Variants in ROCK1 observed in about 807,000 individuals in gnomAD.
ROCK1 encodes the protein Rho associated coiled-coil containing protein kinase 1, also known as rho-associated protein kinase 1.
A neutral mutation model predicts 196.8 loss-of-function variants in ROCK1; 36 were observed. The ratio of observed to expected loss-of-function variants is 0.18; its 90% CI spans 0.14 to 0.24. The LOEUF is 0.24. Ranked by LOEUF, ROCK1 falls within the 10% of genes least tolerant of loss-of-function variation. ROCK1 has a pLI of 1.00. For missense variants in ROCK1, 920 were observed against 1,562.0 expected (o/e 0.59, Z 6.93); for synonymous variants, 443 against 515.9 (o/e 0.86, Z 1.91).
chr18:21,087,022 A>G (rs954441293), intron 1 of ROCK1, among the ~76,000 whole-genome samples: 3 of 152,232 alleles, frequency 2.0e-5, no homozygotes, highest in South Asian at 4.1e-4. Context: ...GATATTAAAC[A>G]TGAATATATT....
intron 14 of ROCK1, 47 bp downstream of exon 14, chr18:21,008,012 G>C (rs1200996345): frequency 2.8e-6 from 4 of 1,450,412 alleles, no homozygotes; most frequent in Non-Finnish European, 3.8e-6. Flanking sequence ...ACAACCTCAT[G>C]ACAGTGTTAG....
chr18:21,111,024 G>A lies in ROCK1; in HGVS notation c.-114C>T, dbSNP rs900307179. 1.3e-6 allele frequency: 1 copy of A among 795,300 alleles called. No homozygotes were observed. The highest frequency in any genetic ancestry group is 2.1e-6 in the Non-Finnish European group (1 of 475,298). The allele number at this position is 795,300 out of a possible 1,614,324, so 49.3% of individuals were successfully genotyped here. A position where few individuals can be genotyped will look rare whatever the true frequency, so the allele number is the denominator to read the frequency against. Reference sequence around the variant, plus strand: ...CGGGGCGGAGGAGCCGGAACCTCAGGGTCACCAGGTGCGCCCGGTTCCCCC... The same window carrying A: ...CGGGGCGGAGGAGCCGGAACCTCAGAGTCACCAGGTGCGCCCGGTTCCCCC... On this transcript the variant is annotated 5_prime_UTR_variant, in exon 1 of 33. Transcript: ENST00000399799. The surrounding 1 kb of genome is among the most constrained non-coding windows in gnomAD (Gnocchi z 4.2).
chr18:20,974,640 T>C (rs2035463227), intron 22 of ROCK1, among the ~76,000 whole-genome samples: 1 of 152,194 alleles, frequency 6.6e-6, no homozygotes, highest in Non-Finnish European at 1.5e-5. Context: ...ATATTTAAGG[T>C]CAATCTCTCA....
At position 21,045,385 on chromosome 18, in the gene ROCK1, C is replaced by T; in HGVS notation, c.497G>A (p.Ser166Asn). ...CCATTTTTCAGGCACATCATAGTTG[C>T]TCATTAAGTTTACAAGATCTCCACC... Reference protein sequence around the residue: ...MPGGDLVNLMSNYDVPEKWAR... With the variant: ...MPGGDLVNLMNNYDVPEKWAR... The change falls in exon 5 of 33, where the codon AGC becomes AAC. Residue 166 changes from serine (S) to asparagine (N), a missense_variant. This residue lies in a region of ROCK1 where 234 missense variants were observed against 460.7 expected (regional missense o/e 0.51). Transcript: ENST00000399799. 6.2e-7 allele frequency: 1 copy of T among 1,613,192 alleles called. No homozygotes were observed. The highest frequency in any genetic ancestry group is 8.5e-7 in the Non-Finnish European group (1 of 1,179,720).
At chr18:21,080,659 C>T (rs2036475496) in intron 1 of ROCK1, among the ~76,000 whole-genome samples, 1 of 152,022 alleles carries the variant, frequency 6.6e-6, no homozygotes, top group African/African-American at 2.4e-5. Context: ...GGAAAAAATA[C>T]TCCATGCAAA....
intron 2 of ROCK1, among the ~76,000 whole-genome samples, chr18:21,050,400 T>C (rs1418498183): frequency 4.0e-5 from 6 of 151,664 alleles, no homozygotes; most frequent in Non-Finnish European, 8.8e-5. Context: ...CTTATAGCAT[T>C]ACATTTCTCT....
chr18:20,957,973 A>AT (rs2035262348), intron 29 of ROCK1, among the ~76,000 whole-genome samples: 1 of 152,160 alleles, frequency 6.6e-6, no homozygotes, highest in South Asian at 2.1e-4. Flanking sequence ...AAGAAATACG[A>AT]TTTTTTTAAA....
chr18:20,968,052 G>A (rs1368925381), intron 25 of ROCK1, 112 bp from the exon 26 acceptor site: 12 of 997,988 alleles, frequency 1.2e-5, no homozygotes, highest in African/African-American at 3.3e-5. Flanking sequence ...ATGAAAATTA[G>A]GACAACTTCA....
At chr18:20,966,672 T>C (rs772556690) in intron 27 of ROCK1, among the ~76,000 whole-genome samples, 1 of 152,210 alleles carries the variant, frequency 6.6e-6, no homozygotes, top group Non-Finnish European at 1.5e-5. Context: ...CATAAACCTC[T>C]TATGGTTTTT....
chr18:21,074,646 C>T (rs866344841), intron 1 of ROCK1, among the ~76,000 whole-genome samples: 58 of 152,166 alleles, frequency 3.8e-4, no homozygotes, highest in African/African-American at 1.4e-3. Context: ...TGTTACATAA[C>T]CTCCTTTGTG....
chr18:21,022,019 C>T (rs1201646005), intron 11 of ROCK1, among the ~76,000 whole-genome samples: 1 of 152,092 alleles, frequency 6.6e-6, no homozygotes, highest in African/African-American at 2.4e-5. Context: ...TTTCCCTTTT[C>T]ACCGCATGTT....
At chr18:21,097,714 A>G (rs577271429) in intron 1 of ROCK1, among the ~76,000 whole-genome samples, 3 of 152,366 alleles carry the variant, frequency 2.0e-5, no homozygotes, top group African/African-American at 7.2e-5. Context: ...CAAACAGCTA[A>G]CATCTACTAA....
At chr18:21,036,761 A>G (rs1452220873) in intron 9 of ROCK1, among the ~76,000 whole-genome samples, 2 of 152,144 alleles carry the variant, frequency 1.3e-5, no homozygotes, top group African/African-American at 4.8e-5. Context: ...TGTACAATAG[A>G]GCCACCTGGC....
intron 16 of ROCK1, among the ~76,000 whole-genome samples, chr18:20,994,335 T>A (rs2035652249): frequency 6.6e-6 from 1 of 152,170 alleles, no homozygotes; most frequent in Non-Finnish European, 1.5e-5. Flanking sequence ...ATAAATGATA[T>A]AATTATCTTT....
chr18:20,967,998 T>C, intron 25 of ROCK1, 58 bp from the exon 26 acceptor site: 1 of 1,285,044 alleles, frequency 7.8e-7, no homozygotes, highest in Non-Finnish European at 1.0e-6. Flanking sequence ...AATACTAAAA[T>C]GTATTTTTTT....
chr18:20,981,254 C>A (rs1376899266), intron 21 of ROCK1, among the ~76,000 whole-genome samples: 1 of 151,880 alleles, frequency 6.6e-6, no homozygotes, highest in Non-Finnish European at 1.5e-5. Flanking sequence ...ATTAGCTAGG[C>A]ATGGTGGCGG....
intron 9 of ROCK1, 49 bp downstream of exon 9, chr18:21,039,423 A>G (rs1207373885): frequency 1.5e-6 from 2 of 1,343,062 alleles, no homozygotes; most frequent in Non-Finnish European, 2.1e-6. Context: ...AAACTACCAC[A>G]ACTACTTTCA....
intron 29 of ROCK1, among the ~76,000 whole-genome samples, chr18:20,956,392 G>C (rs891863775): frequency 1.3e-5 from 2 of 152,070 alleles, no homozygotes; most frequent in Non-Finnish European, 2.9e-5. Context: ...ATTAAGTACA[G>C]ACACAACCAC....
In ROCK1 at chr18:21,111,553, G is replaced by C. The variant is rs1272989859; in HGVS notation, c.-643C>G. 1.8e-5 allele frequency: 3 copies of C among 169,264 alleles called. No homozygotes were observed. The highest frequency in any genetic ancestry group is 7.1e-5 in the African/African-American group (3 of 42,120). 10.5% of individuals were successfully genotyped at this position (169,264 alleles called of 1,614,324 possible). On this transcript the variant is annotated 5_prime_UTR_variant, in exon 1 of 33. Coordinates refer to ENST00000399799, the MANE Select transcript of ROCK1 (RefSeq NM_005406.3). The surrounding 1 kb of genome is among the most constrained non-coding windows in gnomAD (Gnocchi z 4.2). ...TTGTCCCGTCGCTGCTGGGGCTGCT[G>C]CTACGGTGTCCGGTGGGGCAGGGCG...
Sources: allele counts gnomAD v4.1 joint callset (sites outside exome capture counted in the v4.1 genomes callset), GRCh38; gene constraint gnomAD v4.1.1; regional missense constraint gnomAD v4.1.1; non-coding constraint Gnocchi (gnomAD v3.1); transcripts MANE v1.5; gene names NCBI Gene and HGNC (gene_info 2026-07-23, HGNC 2026-07-21).